RIPOR2: variants seen among roughly 807,000 people sequenced by gnomAD.
The protein encoded by RIPOR2 is rho family-interacting cell polarization regulator 2.
RIPOR2 carries 39 observed loss-of-function variants against 114.5 expected under a neutral mutation model. The observed-to-expected ratio is 0.34, with a 90% CI of 0.26 to 0.44. The LOEUF (loss-of-function observed/expected upper bound fraction) is 0.44, where lower values mean the gene tolerates loss of function less well. Among genes scored for constraint, RIPOR2 ranks in the 20% least tolerant of loss-of-function variants. RIPOR2 has a pLI of 1.00. For synonymous variants in RIPOR2, 445 were observed against 484.4 expected (o/e 0.92, Z 1.07); for missense variants, 1,007 against 1,255.1 (o/e 0.80, Z 2.99).
intron 1 of RIPOR2, among the ~76,000 whole-genome samples, chr6:24,881,309 A>G (rs1460297114): frequency 1.3e-5 from 2 of 152,124 alleles, no homozygotes; most frequent in African/African-American, 4.8e-5. Flanking sequence ...ACTAATATTC[A>G]TTTTTGTGTG....
Position 25,004,775 on chromosome 6 carries a change from T to TTG in RIPOR2, c.76+37074_76+37075dup, listed in dbSNP as rs554850153. Among the ~76,000 whole-genome samples, 346 of 152,078 alleles carry TTG rather than the reference T, an allele frequency of 2.3e-3. 3 individuals are homozygous for TTG. Among genetic ancestry groups the TTG allele is most frequent in the East Asian group, 0.021 (109 of 5,188 alleles). Reference sequence around the variant, plus strand: ...TTGTTTTGTTTTACTGGCATCTAGTTTGTGTGTGTGTGTGTTTGTATGTAT... The same window carrying TTG: ...TTGTTTTGTTTTACTGGCATCTAGTTTGTGTGTGTGTGTGTGTTTGTATGTAT... On this transcript the variant is annotated intron_variant, in intron 1 of 13. Transcript: ENST00000510784.
intron 19 of RIPOR2, among the ~76,000 whole-genome samples, chr6:24,822,038 C>G (rs931407789): frequency 5.3e-5 from 8 of 152,172 alleles, no homozygotes; most frequent in Non-Finnish European, 8.8e-5. Flanking sequence ...CTGTAGTGAG[C>G]TATGATTGCA....
At chr6:24,937,313 A>G (rs145320857), upstream of RIPOR2, among the ~76,000 whole-genome samples, 1 of 152,156 alleles carries the variant, frequency 6.6e-6, no homozygotes, top group African/African-American at 2.4e-5. Context: ...ATGTCTTAGC[A>G]CTCAGGGGCC....
intron 19 of RIPOR2, among the ~76,000 whole-genome samples, chr6:24,819,752 CG>C: frequency 6.7e-6 from 1 of 149,184 alleles, no homozygotes; most frequent in African/African-American, 2.4e-5. Flanking sequence ...CCGCCCACCT[CG>C]GCCTCCCAAA....
In RIPOR2 at chr6:24,834,591, G is replaced by A. The variant is rs560403020; in HGVS notation, c.2208+1112C>T. ...ATTCAGCATGGTAGTACAGGTCTGC[G>A]TTCTGCATCTATGCCTACCAGGTGA... On this transcript the variant is annotated intron_variant, in intron 15 of 21. Transcript: ENST00000643898. Among the ~76,000 whole-genome samples, 11 of 152,066 alleles carry A rather than the reference G, an allele frequency of 7.2e-5. No homozygotes were observed. The South Asian group carries it at 1.7e-3, about 23-fold the overall frequency.
intron 1 of RIPOR2, among the ~76,000 whole-genome samples, chr6:24,981,228 C>T (rs1218564460): frequency 6.6e-6 from 1 of 152,124 alleles, no homozygotes; most frequent in East Asian, 1.9e-4. Flanking sequence ...CTTATCAACC[C>T]AAACAAATAT....
At chr6:24,882,203 G>A (rs1766411941) in intron 1 of RIPOR2, among the ~76,000 whole-genome samples, 1 of 152,192 alleles carries the variant, frequency 6.6e-6, no homozygotes, top group Non-Finnish European at 1.5e-5. Flanking sequence ...ATATTTTTAT[G>A]AACTGGCATT....
rs201720413 is a variant in RIPOR2 at position 24,830,705 on chromosome 6, C to CATTTT, written c.2345-40_2345-36dup. ...AAGAGCAACCCCCCATCTCGTAACA[C>CATTTT]ATTTTATTTTATTTTATTTTATTTT... On this transcript the variant is annotated intron_variant, in intron 16 of 21. Transcript: ENST00000643898. 255 of 1,520,870 alleles carry CATTTT rather than the reference C, an allele frequency of 1.7e-4. 2 individuals carry two copies. Among genetic ancestry groups the CATTTT allele is most frequent in the South Asian group, 5.1e-4 (41 of 79,770 alleles). 94.2% of individuals were successfully genotyped at this position (1,520,870 alleles called of 1,614,324 possible).
rs73729061 is a variant in RIPOR2, at chr6:24,875,663, T to A, written c.188+28A>T. The A allele has an allele frequency of 6.6e-3, 10,499 of 1,601,400 alleles. 164 individuals carry two copies. Among genetic ancestry groups the A allele is most frequent in the African/African-American group, 0.06 (4,497 of 74,754 alleles). ...AAGTTCACTTCCTTGGCAAGCTGCA[T>A]CCCGGGAGAGAACCACACAGTACTT... is the stretch of plus-strand genomic sequence containing the variant. On this transcript the variant is annotated intron_variant, in intron 2 of 21. Transcript: ENST00000643898.
chr6:24,935,685 A>G (rs1771759119), intron 1 of RIPOR2, among the ~76,000 whole-genome samples, 153 bp downstream of exon 1: 1 of 152,180 alleles, frequency 6.6e-6, no homozygotes, highest in South Asian at 2.1e-4. Context: ...TCAGTGCCTA[A>G]GTTGATATTT....
intron 2 of RIPOR2, among the ~76,000 whole-genome samples, chr6:24,874,115 T>C (rs1274323255): frequency 2.6e-5 from 4 of 152,148 alleles, no homozygotes; most frequent in Non-Finnish European, 5.9e-5. Flanking sequence ...ACTGCAGCCT[T>C]GAACTCCTGG....
At chr6:24,847,785 G>A in intron 12 of RIPOR2, 2 of 1,315,462 alleles carry the variant, frequency 1.5e-6, no homozygotes, top group East Asian at 5.1e-5. Flanking sequence ...ATTAAAACAA[G>A]GAGGCTATTA....
chr6:24,884,975 T>C (rs550349437), intron 1 of RIPOR2, among the ~76,000 whole-genome samples: 2 of 152,318 alleles, frequency 1.3e-5, no homozygotes, highest in African/African-American at 4.8e-5. Flanking sequence ...GATATGATAA[T>C]TTTCTTTCCG....
At chr6:24,995,439 C>T (rs748558979) in intron 1 of RIPOR2, among the ~76,000 whole-genome samples, 15 of 152,310 alleles carry the variant, frequency 9.8e-5, no homozygotes, top group Non-Finnish European at 1.8e-4. Flanking sequence ...CAAGTGGCCA[C>T]GGGGAGGGAG....
At chr6:25,010,551 G>A (rs1775737359) in intron 1 of RIPOR2, among the ~76,000 whole-genome samples, 1 of 152,208 alleles carries the variant, frequency 6.6e-6, no homozygotes. Flanking sequence ...AGAGATTCAA[G>A]TGAAAATTAG....
chr6:25,022,531 CATTTTTTTTTTTTT>C (rs1156292825), intron 1 of RIPOR2, among the ~76,000 whole-genome samples: 4 of 64,510 alleles, frequency 6.2e-5, no homozygotes, highest in Non-Finnish European at 1.0e-4. Context: ...TGGTACCTTC[CATTTTTTTTTTTTT>C]TTTTTTTTTT....
At position 24,873,780 on chromosome 6, in the gene RIPOR2, T is replaced by C. The variant is rs1322913069; in HGVS notation, c.208A>G (p.Asn70Asp). The change falls in exon 3 of 22, where the codon AAT becomes GAT. Residue 70 changes from asparagine (N) to aspartate (D), a missense_variant. Asn to Asp is a conservative substitution (Grantham distance 23). Transcript: ENST00000643898. ...RRSRCNSFIE[N>D]SSALKKPQAK... ...TGAGGCTTCTTGAGAGCGGAGGAATTTTCAATGAAGGAGTTACACCTATGG... is the reference window on the plus strand; with the variant it reads ...TGAGGCTTCTTGAGAGCGGAGGAATCTTCAATGAAGGAGTTACACCTATGG... 3.7e-6 allele frequency: 6 copies of C among 1,611,796 alleles called. No individual in the cohort carries two copies. The Admixed American group carries it at 1.0e-4, about 27-fold the overall frequency.
intron 11 of RIPOR2, among the ~76,000 whole-genome samples, chr6:24,849,320 A>G (rs539218086): frequency 1.3e-5 from 2 of 152,350 alleles, no homozygotes; most frequent in South Asian, 4.1e-4. Context: ...ATTCTATTTC[A>G]GTAAATACAG....
chr6:24,921,303 T>C (rs1009129363), intron 1 of RIPOR2, among the ~76,000 whole-genome samples: 2 of 151,260 alleles, frequency 1.3e-5, no homozygotes, highest in Non-Finnish European at 2.9e-5. Flanking sequence ...GCTGGGACTA[T>C]AGGCACGTGC....
Sources: allele counts gnomAD v4.1 joint callset (sites outside exome capture counted in the v4.1 genomes callset), GRCh38; gene constraint gnomAD v4.1.1; transcripts MANE v1.5; gene names NCBI Gene and HGNC (gene_info 2026-07-23, HGNC 2026-07-21).